Variants in PIP4K2A observed in about 807,000 individuals in gnomAD.
PIP4K2A encodes the protein phosphatidylinositol-5-phosphate 4-kinase type 2 alpha.
PIP4K2A carries 14 observed loss-of-function variants against 42.9 expected under a neutral mutation model. That is an observed-to-expected ratio of 0.33 (90% CI 0.22 to 0.51). The LOEUF (loss-of-function observed/expected upper bound fraction) is 0.51. Ranked by LOEUF, PIP4K2A falls within the 20% of genes least tolerant of loss-of-function variation. The pLI, the probability that PIP4K2A is intolerant of heterozygous loss-of-function variation, is 0.97. For missense variants in PIP4K2A, 434 were observed against 519.8 expected, an observed-to-expected ratio of 0.83 and a Z score of 1.61; for synonymous variants, 192 against 192.2, an observed-to-expected ratio of 1.00 and a Z score of 0.01.
At chr10:22,693,803 A>T (rs1839919365) in intron 1 of PIP4K2A, 1 of 151,992 alleles carries the variant, frequency 6.6e-6, no homozygotes, top group Non-Finnish European at 1.5e-5. Context: ...CTCAGCTATA[A>T]CATGAAGGGA....
intron 1 of PIP4K2A, among the ~76,000 whole-genome samples, chr10:22,695,624 C>T (rs1839954159): frequency 6.6e-6 from 1 of 152,150 alleles, no homozygotes; most frequent in African/African-American, 2.4e-5. Context: ...ATACAGTCTT[C>T]CCTTGGTATC....
chr10:22,604,283 G>A (rs1258303240), intron 3 of PIP4K2A, among the ~76,000 whole-genome samples: 1 of 151,942 alleles, frequency 6.6e-6, no homozygotes, highest in African/African-American at 2.4e-5. Flanking sequence ...ACCAGTAGGG[G>A]TCAACTGCAT....
At chr10:22,546,915 G>A (rs188153441) in intron 7 of PIP4K2A, among the ~76,000 whole-genome samples, 27 of 152,326 alleles carry the variant, frequency 1.8e-4, no homozygotes, top group Non-Finnish European at 3.5e-4. Flanking sequence ...ATTTCAAAGT[G>A]TGAAGATTTT....
chr10:22,648,939 C>T (rs925339991), intron 1 of PIP4K2A, among the ~76,000 whole-genome samples: 1 of 152,180 alleles, frequency 6.6e-6, no homozygotes, highest in African/African-American at 2.4e-5. Context: ...AAAGCACATT[C>T]TAGGACATCA....
intron 1 of PIP4K2A, among the ~76,000 whole-genome samples, chr10:22,638,312 C>A (rs1048880274): frequency 6.6e-6 from 1 of 152,176 alleles, no homozygotes; most frequent in African/African-American, 2.4e-5. Context: ...CCACACTCTC[C>A]CCTTTCTTTG....
intron 9 of PIP4K2A, among the ~76,000 whole-genome samples, chr10:22,539,042 G>T (rs929234278): frequency 5.9e-5 from 9 of 152,190 alleles, no homozygotes; most frequent in Non-Finnish European, 1.3e-4. Context: ...ACATTCATCT[G>T]TGTGGGGTGG....
intron 5 of PIP4K2A, 72 bp downstream of exon 5, chr10:22,573,239 T>C (rs1837032069): frequency 7.2e-7 from 1 of 1,380,542 alleles, no homozygotes; most frequent in Non-Finnish European, 1.0e-6. Context: ...TTTCTGATGA[T>C]CAATGACAAC....
chr10:22,680,384 C>G (rs1169063699), intron 1 of PIP4K2A, among the ~76,000 whole-genome samples: 2 of 152,100 alleles, frequency 1.3e-5, no homozygotes, highest in Non-Finnish European at 2.9e-5. Context: ...TTAGAATTTT[C>G]TATCCTTTTC....
chr10:22,635,475 T>A (rs148713326), intron 1 of PIP4K2A, among the ~76,000 whole-genome samples: 1 of 152,170 alleles, frequency 6.6e-6, no homozygotes, highest in African/African-American at 2.4e-5. Context: ...GCTGTGATAG[T>A]ATTGAGAGGG....
rs75981232 is a variant in PIP4K2A at position 22,686,635 on chromosome 10, A to C, written c.144+27548T>G. On this transcript the variant is annotated intron_variant, in intron 1 of 9. Coordinates refer to ENST00000376573, the MANE Select transcript of PIP4K2A (RefSeq NM_005028.5). ...CAGGCATACACCAACTAATTAGTTA[A>C]AAAAATTTTTTTTTAGTAGAAACGA... 2.2e-3 allele frequency among the ~76,000 whole-genome samples: 331 copies of C among 152,186 alleles called. 2 individuals are homozygous for C. The highest frequency in any genetic ancestry group is 7.2e-3 in the African/African-American group (301 of 41,518).
At chr10:22,617,703 G>A (rs1838204914) in intron 1 of PIP4K2A, among the ~76,000 whole-genome samples, 1 of 152,158 alleles carries the variant, frequency 6.6e-6, no homozygotes, top group South Asian at 2.1e-4. Context: ...TGGGTATAAA[G>A]GCTGGCGGAA....
intron 1 of PIP4K2A, among the ~76,000 whole-genome samples, chr10:22,687,625 C>T (rs1377658518): frequency 1.3e-5 from 2 of 151,976 alleles, no homozygotes; most frequent in African/African-American, 2.4e-5. Flanking sequence ...AGTGGACAAC[C>T]GGTTGCAGGA....
chr10:22,627,163 T>C (rs114670608), intron 1 of PIP4K2A, among the ~76,000 whole-genome samples: 148 of 152,320 alleles, frequency 9.7e-4, no homozygotes, highest in African/African-American at 3.1e-3. Flanking sequence ...TCAATTAACA[T>C]TAATTTCTCA....
chr10:22,569,155 C>T lies in PIP4K2A; in HGVS notation c.640-1266G>A, dbSNP rs552956791. 1.3e-3 allele frequency: 1,121 copies of T among 845,498 alleles called. 18 individuals are homozygous for T. Among genetic ancestry groups the T allele is most frequent in the South Asian group, 0.012 (800 of 68,010 alleles). The allele number at this position is 845,498 out of a possible 1,614,324, so 52.4% of individuals were successfully genotyped here. ...CAATTCACAGATGCGGAAACTTGAA[C>T]GGAAGAGACTCCTCACATTGGGGAA... On this transcript the variant is annotated intron_variant, in intron 5 of 9. Transcript: ENST00000376573.
intron 7 of PIP4K2A, among the ~76,000 whole-genome samples, chr10:22,548,591 G>C (rs1377749780): frequency 6.6e-6 from 1 of 152,186 alleles, no homozygotes; most frequent in African/African-American, 2.4e-5. Flanking sequence ...ATACTTATCA[G>C]TTGGATCAAA....
chr10:22,597,846 G>T (rs1278293454), intron 3 of PIP4K2A, among the ~76,000 whole-genome samples: 1 of 151,980 alleles, frequency 6.6e-6, no homozygotes, highest in Non-Finnish European at 1.5e-5. Context: ...CCCTTTAGAG[G>T]GCTGGTTTAG....
chr10:22,591,647 G>A lies in PIP4K2A; in HGVS notation c.474C>T (p.Ile158=), dbSNP rs1180275917. Residue 158 remains isoleucine (I), a synonymous_variant, in exon 4 of 10, where the codon ATC becomes ATT. Transcript: ENST00000376573. ...AAATTACCTGGTGGTATTTCTTCAG[G>A]ATGTTGTGCATTTCGGCCACGTCTT... ...TSEDVAEMHN[I]LKKYHQYIVE... is the part of the protein sequence containing the mutation. 6.2e-7 allele frequency: 1 copy of A among 1,607,506 alleles called. No individual in the cohort carries two copies. Among genetic ancestry groups the A allele is most frequent in the Admixed American group, 1.7e-5 (1 of 59,248 alleles).
chr10:22,673,897 A>C lies in PIP4K2A; in HGVS notation c.144+40286T>G, dbSNP rs535549979. On this transcript the variant is annotated intron_variant, in intron 1 of 9. Transcript: ENST00000376573. ...TCTATGGTTAATTATACGGTCCCTC[A>C]AACAGAATAGGTTTTTCTTTAGCTT... 2.0e-3 allele frequency among the ~76,000 whole-genome samples: 299 copies of C among 152,310 alleles called. 1 individual carries two copies. Among genetic ancestry groups the C allele is most frequent in the South Asian group, 6.8e-3 (33 of 4,832 alleles).
chr10:22,630,781 TG>T (rs1455639643), intron 1 of PIP4K2A, among the ~76,000 whole-genome samples: 20 of 152,224 alleles, frequency 1.3e-4, no homozygotes, highest in Admixed American at 3.3e-4. Flanking sequence ...CCTCTAAAGC[TG>T]GGACAGGATA....
Sources: gnomAD v4.1 joint callset for allele counts (sites outside exome capture counted in the v4.1 genomes callset) on GRCh38, gnomAD v4.1.1 for gene constraint, MANE v1.5 for transcripts, NCBI Gene and HGNC (gene_info 2026-07-23, HGNC 2026-07-21) for gene names.